The following ADRA1B variants were observed in gnomAD, a reference collection of about 807,000 sequenced individuals.
ADRA1B encodes the protein alpha-1B adrenergic receptor.
A neutral mutation model predicts 17.9 loss-of-function variants in ADRA1B; 17 were observed. The ratio of observed to expected loss-of-function variants is 0.95; its 90% CI spans 0.65 to 1.42. ADRA1B has a LOEUF of 1.42. Ranked by LOEUF, ADRA1B falls within the 40% of genes most tolerant of loss-of-function variation. ADRA1B has a pLI of 0.00. For missense variants in ADRA1B, 681 were observed against 722.1 expected (o/e 0.94, Z 0.65); for synonymous variants, 366 against 327.6 (o/e 1.12, Z -1.27).
intron 1 of ADRA1B, among the ~76,000 whole-genome samples, chr5:159,920,533 C>G (rs527801341): frequency 6.6e-6 from 1 of 152,184 alleles, no homozygotes; most frequent in East Asian, 1.9e-4. Flanking sequence ...GACTATCATG[C>G]GACGATCTCC....
chr5:159,951,296 G>T, intron 1 of ADRA1B: 1 of 1,328,544 alleles, frequency 7.5e-7, no homozygotes, highest in South Asian at 1.2e-5. Flanking sequence ...TTCCATTGAT[G>T]ACAAGCTTCC....
At chr5:159,911,959 G>A (rs548521000), upstream of ADRA1B, among the ~76,000 whole-genome samples, 12 of 152,230 alleles carry the variant, frequency 7.9e-5, no homozygotes, top group South Asian at 1.9e-3. Context: ...CAGGCAAATC[G>A]TTTAACCACT....
At chr5:159,918,176 G>A (rs1754382952) in intron 1 of ADRA1B, among the ~76,000 whole-genome samples, 1 of 152,172 alleles carries the variant, frequency 6.6e-6, no homozygotes, top group Admixed American at 6.5e-5. Flanking sequence ...TATCACACCG[G>A]CGTTATTTCA....
rs191934595 is a variant in ADRA1B, at chr5:159,871,369, G to A, written c.-256+6163G>A. ...TCCCATAACAAAGCACCACAAACTC[G>A]ATGACTTAATGCAACAGAAGTTTAT... On this transcript the variant is annotated intron_variant, in intron 1 of 2. Transcript: ENST00000641205. The A allele has an allele frequency of 3.9e-5, 6 of 152,162 alleles. 1 individual carries two copies. Among genetic ancestry groups the A allele is most frequent in the South Asian group, 2.1e-4 (1 of 4,826 alleles). The allele number at this position is 152,162 out of a possible 1,614,324, so 9.4% of individuals were successfully genotyped here.
chr5:159,920,309 T>C (rs1356141053), intron 1 of ADRA1B, among the ~76,000 whole-genome samples: 1 of 152,154 alleles, frequency 6.6e-6, no homozygotes, highest in Admixed American at 6.5e-5. Context: ...ATGATGTGGC[T>C]TCTCTCTGGG....
At chr5:159,914,162 AG>A (rs1368906346), upstream of ADRA1B, among the ~76,000 whole-genome samples, 1 of 152,210 alleles carries the variant, frequency 6.6e-6, no homozygotes, top group Non-Finnish European at 1.5e-5. Flanking sequence ...GGGATCTCAA[AG>A]ATCATCTAAG....
At chr5:159,908,232 A>C (rs1410992551) in intron 1 of ADRA1B, among the ~76,000 whole-genome samples, 2 of 152,028 alleles carry the variant, frequency 1.3e-5, no homozygotes, top group Non-Finnish European at 2.9e-5. Flanking sequence ...CTCTAATCCC[A>C]TTTCTGAGTA....
chr5:159,961,824 C>A (rs538167895), intron 1 of ADRA1B, among the ~76,000 whole-genome samples: 60 of 152,348 alleles, frequency 3.9e-4, no homozygotes, highest in African/African-American at 1.4e-3. Context: ...CCACCCAGCC[C>A]ATGGCTGGCA....
At chr5:159,912,027 T>C (rs72808190), upstream of ADRA1B, among the ~76,000 whole-genome samples, 9,415 of 152,264 alleles carry the variant, frequency 0.062, 327 homozygotes, top group East Asian at 0.14. Flanking sequence ...TACCTCATAA[T>C]GTTATCATTA....
intron 1 of ADRA1B, among the ~76,000 whole-genome samples, chr5:159,942,775 T>C (rs182951663): frequency 6.6e-6 from 1 of 152,118 alleles, no homozygotes; most frequent in African/African-American, 2.4e-5. Context: ...TGGAAATACA[T>C]AGAAAAAAAC....
At chr5:159,946,760 C>T (rs1039801255) in intron 1 of ADRA1B, among the ~76,000 whole-genome samples, 1 of 152,190 alleles carries the variant, frequency 6.6e-6, no homozygotes, top group African/African-American at 2.4e-5. Flanking sequence ...AGAATCAGAG[C>T]TCATACATAA....
At chr5:159,981,128 C>T in the ADRA1B span, among the ~76,000 whole-genome samples, 2 of 152,146 alleles carry the variant, frequency 1.3e-5, no homozygotes, top group African/African-American at 4.8e-5. Flanking sequence ...CATTACCACC[C>T]AGTATACATA....
At chr5:159,950,992 A>G (rs1172750094) in intron 1 of ADRA1B, 1 of 639,900 alleles carries the variant, frequency 1.6e-6, no homozygotes, top group East Asian at 3.3e-5. Context: ...ATCTTTCCAC[A>G]ATACCAAAGT....
At chr5:159,901,727 T>C (rs1050176279) in intron 1 of ADRA1B, among the ~76,000 whole-genome samples, 5 of 152,158 alleles carry the variant, frequency 3.3e-5, no homozygotes, top group Non-Finnish European at 7.3e-5. Context: ...AGAGGAGATA[T>C]GCAAATGGCC....
intron 1 of ADRA1B, among the ~76,000 whole-genome samples, chr5:159,902,752 T>A (rs367926684): frequency 6.6e-5 from 10 of 152,112 alleles, no homozygotes; most frequent in African/African-American, 2.2e-4. Flanking sequence ...AATGAAAGAG[T>A]GGATGTAATG....
chr5:159,884,757 T>C lies in ADRA1B; in HGVS notation c.-256+19551T>C, dbSNP rs555603586. Among the ~76,000 whole-genome samples the C allele has an allele frequency of 2.0e-5, 3 of 152,312 alleles. No homozygotes were observed. In the East Asian group the frequency reaches 5.8e-4, roughly 29 times the overall value. The stretch of plus-strand genomic sequence containing the variant: ...ATAAAACACAGAGGAGTTAGCCAAA[T>C]GAACTAGAAATGTTCAGATCTACCA... On this transcript the variant is annotated intron_variant, in intron 1 of 2. Transcript: ENST00000641205.
At chr5:159,936,924 G>A (rs1318641867) in intron 1 of ADRA1B, among the ~76,000 whole-genome samples, 1 of 152,180 alleles carries the variant, frequency 6.6e-6, no homozygotes, top group East Asian at 1.9e-4. Flanking sequence ...CATCCACTGT[G>A]AGTGGCCTTA....
chr5:159,943,992 C>T (rs1450026975), intron 1 of ADRA1B, among the ~76,000 whole-genome samples: 1 of 151,940 alleles, frequency 6.6e-6, no homozygotes, highest in Non-Finnish European at 1.5e-5. Flanking sequence ...TCTTGGTTCT[C>T]TCTTCCTTTA....
chr5:159,883,810 G>T (rs552915914), intron 1 of ADRA1B, among the ~76,000 whole-genome samples: 2 of 152,342 alleles, frequency 1.3e-5, no homozygotes, highest in East Asian at 1.9e-4. Context: ...CTTCCTGACT[G>T]GTTCTTGAGA....
Sources: allele counts gnomAD v4.1 joint callset (sites outside exome capture counted in the v4.1 genomes callset), GRCh38; gene constraint gnomAD v4.1.1; transcripts MANE v1.5; gene names NCBI Gene and HGNC (gene_info 2026-07-23, HGNC 2026-07-21).